Variants in SLC12A7 observed in about 807,000 individuals in gnomAD.
SLC12A7 encodes the protein solute carrier family 12 member 7, also known as K-Cl cotransporter 4.
SLC12A7 carries 100 observed loss-of-function variants against 120.6 expected under a neutral mutation model. That is an observed-to-expected ratio of 0.83 (90% CI 0.71 to 0.98). The LOEUF is 0.98. SLC12A7 is among the 50% of genes least tolerant of loss of function. The pLI is 0.00. For synonymous variants in SLC12A7, 760 were observed against 678.0 expected (o/e 1.12, Z -1.88); for missense variants, 1,373 against 1,548.1 (o/e 0.89, Z 1.90).
At chr5:1,102,529 C>T (rs1233242452) in intron 1 of SLC12A7, among the ~76,000 whole-genome samples, 2 of 152,234 alleles carry the variant, frequency 1.3e-5, no homozygotes, top group African/African-American at 4.8e-5. Context: ...GCAGGAGGGG[C>T]TGTGAAGCTG....
chr5:1,111,102 C>G (rs1437140780), intron 1 of SLC12A7, among the ~76,000 whole-genome samples: 6 of 152,140 alleles, frequency 3.9e-5, no homozygotes, highest in Non-Finnish European at 7.4e-5. Context: ...TGAGTCCGGA[C>G]ACCTTCTCAG....
chr5:1,097,875 G>A (rs1741426477), intron 1 of SLC12A7, among the ~76,000 whole-genome samples: 1 of 152,024 alleles, frequency 6.6e-6, no homozygotes, highest in African/African-American at 2.4e-5. Flanking sequence ...GTGTCGCTTG[G>A]TCTCTACGGA....
chr5:1,131,869 G>A, the SLC12A7 span, among the ~76,000 whole-genome samples: 1 of 152,222 alleles, frequency 6.6e-6, no homozygotes. Context: ...CCCAGGTGGG[G>A]CCCAGCGCCC....
chr5:1,084,254 G>A (rs981866249), intron 7 of SLC12A7, among the ~76,000 whole-genome samples: 7 of 152,178 alleles, frequency 4.6e-5, no homozygotes, highest in South Asian at 2.1e-4. Flanking sequence ...TCCATGGTTC[G>A]GCCACCCGTG....
chr5:1,106,451 CAAAAA>C (rs36005053), intron 1 of SLC12A7, among the ~76,000 whole-genome samples: 1 of 81,838 alleles, frequency 1.2e-5, no homozygotes, highest in Non-Finnish European at 2.3e-5. Flanking sequence ...AACTCTGTCT[CAAAAA>C]AAAAAAAAAA....
the SLC12A7 span, among the ~76,000 whole-genome samples, chr5:1,118,454 G>A: frequency 1.3e-5 from 2 of 152,246 alleles, no homozygotes; most frequent in Admixed American, 6.5e-5. Context: ...ATCCAGACCC[G>A]GCAGAAGAGT....
chr5:1,132,203 G>C, the SLC12A7 span, among the ~76,000 whole-genome samples: 1 of 152,162 alleles, frequency 6.6e-6, no homozygotes, highest in Non-Finnish European at 1.5e-5. Flanking sequence ...GCATCTAAGA[G>C]ACACTCCTAC....
chr5:1,074,688 C>T lies in SLC12A7; in HGVS notation c.1968-17G>A, dbSNP rs150288110. On this transcript the variant is annotated splice_polypyrimidine_tract_variant and intron_variant, in intron 15 of 23. Coordinates refer to ENST00000264930, the MANE Select transcript of SLC12A7 (RefSeq NM_006598.3). ...TTCTCGGCCCTGTGGGAAAGGAAGT[C>T]GGGGTTTGTCCAGCCGCGTACCTGG... 0.011 allele frequency: 17,306 copies of T among 1,610,710 alleles called. 144 individuals carry two copies. Among genetic ancestry groups the T allele is most frequent in the South Asian group, 0.029 (2,681 of 90,964 alleles).
the SLC12A7 span, among the ~76,000 whole-genome samples, chr5:1,140,722 C>T: frequency 1.3e-5 from 2 of 152,262 alleles, no homozygotes; most frequent in Non-Finnish European, 2.9e-5. Context: ...AGCCCAGGGC[C>T]CCGGGGAGGG....
chr5:1,059,825 A>C (rs1735998991), intron 21 of SLC12A7, among the ~76,000 whole-genome samples: 1 of 126,946 alleles, frequency 7.9e-6, no homozygotes, highest in Admixed American at 8.6e-5. Flanking sequence ...CTGCACACTC[A>C]CTCTCCCCTC....
intron 3 of SLC12A7, 95 bp from the exon 4 acceptor site, chr5:1,089,223 G>C: frequency 7.1e-7 from 1 of 1,403,120 alleles, no homozygotes; most frequent in Non-Finnish European, 9.7e-7. Flanking sequence ...CAGGCAAAGC[G>C]GCCGTGGGGG....
At position 1,052,340 on chromosome 5, in the gene SLC12A7, T is replaced by A; in HGVS notation, c.*20A>T. 1 of 1,604,508 alleles carries A rather than the reference T, an allele frequency of 6.2e-7. No individual in the cohort carries two copies. The highest frequency in any genetic ancestry group is 8.5e-7 in the Non-Finnish European group (1 of 1,172,556). On this transcript the variant is annotated 3_prime_UTR_variant, in exon 24 of 24. Transcript: ENST00000264930. Reference sequence around the variant, plus strand: ...GCCGTCCTCCGTGCCTGTCCCAGAGTGCCGTGATGCTGTTGGGCATTAGGA... The same window carrying A: ...GCCGTCCTCCGTGCCTGTCCCAGAGAGCCGTGATGCTGTTGGGCATTAGGA...
the SLC12A7 span, among the ~76,000 whole-genome samples, chr5:1,136,176 G>A: frequency 6.6e-6 from 1 of 152,192 alleles, no homozygotes; most frequent in African/African-American, 2.4e-5. Context: ...TGCAGGCACT[G>A]CTGTGCGGCT....
chr5:1,110,649 C>A (rs1350816032), intron 1 of SLC12A7, among the ~76,000 whole-genome samples: 5 of 152,274 alleles, frequency 3.3e-5, no homozygotes, highest in African/African-American at 7.2e-5. Context: ...AGGGCCCACA[C>A]TCCTTGGTGC....
rs1481726980 is a variant in SLC12A7, at chr5:1,083,902, G to C, written c.972C>G (p.Val324=). The C allele has an allele frequency of 1.2e-5, 19 of 1,608,128 alleles. No homozygotes were observed. Among genetic ancestry groups the C allele is most frequent in the Non-Finnish European group, 1.6e-5 (19 of 1,179,278 alleles). ...TLSRRSFDAC[V]KAYGIHNNSA... ...AGTTGTTGTGGATGCCGTAGGCCTTGACGCAGGCATCGAAGCTGCGCCGTG... is the reference window on the plus strand; with the variant it reads ...AGTTGTTGTGGATGCCGTAGGCCTTCACGCAGGCATCGAAGCTGCGCCGTG... The change falls in exon 8 of 24, where the codon GTC becomes GTG. Residue 324 remains valine, a synonymous_variant. Transcript: ENST00000264930.
At chr5:1,120,262 G>A in the SLC12A7 span, among the ~76,000 whole-genome samples, 8 of 152,104 alleles carry the variant, frequency 5.3e-5, no homozygotes, top group Admixed American at 5.2e-4. Flanking sequence ...AAGGGCAGGG[G>A]AGCAAGCCCG....
chr5:1,148,575 A>G, the SLC12A7 span, among the ~76,000 whole-genome samples: 25 of 152,232 alleles, frequency 1.6e-4, no homozygotes, highest in African/African-American at 4.8e-4. Context: ...CAAAATTATA[A>G]CAAATTTAGC....
At chr5:1,149,187 A>T in the SLC12A7 span, among the ~76,000 whole-genome samples, 1 of 146,756 alleles carries the variant, frequency 6.8e-6, no homozygotes, top group Admixed American at 6.7e-5. Context: ...AGCTTCTGAC[A>T]TCTGTTTTCC....
chr5:1,124,006 A>G, the SLC12A7 span, among the ~76,000 whole-genome samples: 2 of 152,260 alleles, frequency 1.3e-5, no homozygotes, highest in Admixed American at 6.5e-5. Context: ...TTATCTGTGC[A>G]AATACCACAA....
Sources: allele counts gnomAD v4.1 joint callset (sites outside exome capture counted in the v4.1 genomes callset), GRCh38; gene constraint gnomAD v4.1.1; transcripts MANE v1.5; gene names NCBI Gene and HGNC (gene_info 2026-07-23, HGNC 2026-07-21).